Variants in RANBP2 observed in about 807,000 individuals in gnomAD.
RANBP2 encodes RAN binding protein 2, also known as E3 SUMO-protein ligase RanBP2.
In RANBP2, 57 loss-of-function variants were observed where a neutral mutation model predicts 303.6. That is an observed-to-expected ratio of 0.19 (90% CI 0.15 to 0.23). The LOEUF (loss-of-function observed/expected upper bound fraction) is 0.23. RANBP2 is among the 10% of genes least tolerant of loss of function. The probability of loss-of-function intolerance (pLI) is 1.00; values close to 1 mark genes in which losing one functional copy is unlikely to be tolerated. For synonymous variants in RANBP2, 1,167 were observed against 1,301.5 expected (o/e 0.90, Z 2.23); for missense variants, 3,138 against 3,780.8 (o/e 0.83, Z 4.46).
chr2:109,189,525 C>T, the RANBP2 span, among the ~76,000 whole-genome samples: 3 of 151,964 alleles, frequency 2.0e-5, no homozygotes, highest in Admixed American at 6.6e-5. Flanking sequence ...CACACCACCA[C>T]GCCCAGCTAA....
chr2:108,751,574 A>T lies in RANBP2; in HGVS notation c.1502A>T (p.Glu501Val), dbSNP rs1177432323. 6.2e-7 allele frequency: 1 copy of T among 1,610,912 alleles called. No homozygotes were observed. Among genetic ancestry groups the T allele is most frequent in the Non-Finnish European group, 8.5e-7 (1 of 1,179,304 alleles). ...VVYTSHLQLK[E>V]KCNSHHSSYQ... ...TATACCAGCCACTTACAATTAAAGG[A>T]GAAATGTAATTCTCACCACAGCTCC... The change falls in exon 11 of 29, where the codon GAG (glutamate) becomes GTG (valine). Residue 501 changes from glutamate to valine, a missense_variant. Glu to Val is a moderately radical substitution (Grantham distance 121). Around this residue, in one of 20 missense-constraint regions of RANBP2, gnomAD observed 162 missense variants for 286.9 expected, o/e 0.56. Coordinates refer to ENST00000283195, the MANE Select transcript of RANBP2 (RefSeq NM_006267.5).
At chr2:109,078,096 A>ATATATATATATATATGGCG in the RANBP2 span, among the ~76,000 whole-genome samples, 8 of 54,652 alleles carry the variant, frequency 1.5e-4, no homozygotes, top group African/African-American at 8.5e-4. Context: ...ATATATATAT[A>ATATATATATATATATGGCG]TATATATATA....
At chr2:108,788,190 A>C, downstream of RANBP2, 1 of 1,148,148 alleles carries the variant, frequency 8.7e-7, no homozygotes, top group South Asian at 1.4e-5. Flanking sequence ...AGGCCGAGGC[A>C]GGCGAATCAC....
the RANBP2 span, among the ~76,000 whole-genome samples, chr2:109,603,159 C>T: frequency 1.3e-5 from 2 of 152,090 alleles, no homozygotes; most frequent in African/African-American, 2.4e-5. Flanking sequence ...ACTTAGGAAT[C>T]AGTGTGAAGT....
chr2:109,574,884 T>G, the RANBP2 span: 1 of 586,640 alleles, frequency 1.7e-6, no homozygotes, highest in Non-Finnish European at 2.6e-6. Context: ...TTAATATCTA[T>G]GCTGAACAGA....
At chr2:109,038,304 C>T in the RANBP2 span, among the ~76,000 whole-genome samples, 1 of 152,102 alleles carries the variant, frequency 6.6e-6, no homozygotes, top group Non-Finnish European at 1.5e-5. Context: ...AGACTTAAAC[C>T]TAAAAGATAT....
At chr2:109,017,767 T>C in the RANBP2 span, among the ~76,000 whole-genome samples, 2 of 152,194 alleles carry the variant, frequency 1.3e-5, no homozygotes, top group South Asian at 2.1e-4. Context: ...ATATTAATGA[T>C]GCATTCAGTC....
the RANBP2 span, among the ~76,000 whole-genome samples, chr2:109,722,262 C>T: frequency 6.6e-6 from 1 of 151,964 alleles, no homozygotes; most frequent in South Asian, 2.1e-4. Context: ...CAGGACACCT[C>T]CCCTTTCATA....
the RANBP2 span, among the ~76,000 whole-genome samples, chr2:108,850,021 T>C: frequency 6.6e-6 from 1 of 152,218 alleles, no homozygotes; most frequent in African/African-American, 2.4e-5. Context: ...GCCTTTGTCC[T>C]GGCCAAATCC....
the RANBP2 span, chr2:109,129,613 G>T: frequency 6.7e-7 from 1 of 1,486,306 alleles, no homozygotes; most frequent in Non-Finnish European, 8.9e-7. Context: ...GGGCGACGAG[G>T]ACAGGCCAGG....
chr2:109,531,629 G>A, the RANBP2 span, among the ~76,000 whole-genome samples: 2 of 152,192 alleles, frequency 1.3e-5, no homozygotes. Context: ...AAGGACCTTA[G>A]GTTTTAATCA....
At chr2:108,947,396 C>T in the RANBP2 span, among the ~76,000 whole-genome samples, 3 of 152,228 alleles carry the variant, frequency 2.0e-5, no homozygotes, top group South Asian at 2.1e-4. Context: ...TGGTGGTGCT[C>T]GTCTCACAGC....
At chr2:108,743,663 G>A (rs1696291857) in intron 7 of RANBP2, among the ~76,000 whole-genome samples, 1 of 152,198 alleles carries the variant, frequency 6.6e-6, no homozygotes, top group Admixed American at 6.5e-5. Flanking sequence ...ACTGTTAGGA[G>A]TTTCTTGGGT....
chr2:108,737,717 T>G (rs78097687), intron 6 of RANBP2, among the ~76,000 whole-genome samples: 3 of 145,430 alleles, frequency 2.1e-5, no homozygotes, highest in Non-Finnish European at 4.6e-5. Context: ...CCTGGCTAAT[T>G]TTTTTTTTTT....
the RANBP2 span, among the ~76,000 whole-genome samples, chr2:109,569,218 C>T: frequency 6.6e-6 from 1 of 152,028 alleles, no homozygotes; most frequent in Non-Finnish European, 1.5e-5. Flanking sequence ...CACCTGAGGT[C>T]GGGAGTTCGA....
At chr2:109,421,027 G>A in the RANBP2 span, among the ~76,000 whole-genome samples, 1 of 152,178 alleles carries the variant, frequency 6.6e-6, no homozygotes, top group Non-Finnish European at 1.5e-5. Flanking sequence ...ACCAGCACTG[G>A]ACAAAAGATA....
At chr2:109,466,592 A>G in the RANBP2 span, among the ~76,000 whole-genome samples, 1 of 152,080 alleles carries the variant, frequency 6.6e-6, no homozygotes, top group East Asian at 1.9e-4. Flanking sequence ...CATGGAGCCC[A>G]ATTTATTAAC....
intron 17 of RANBP2, among the ~76,000 whole-genome samples, chr2:108,756,939 G>C (rs1427603434): frequency 6.6e-6 from 1 of 152,232 alleles, no homozygotes; most frequent in East Asian, 1.9e-4. Context: ...TGTATGTGTA[G>C]CATCTGGACT....
chr2:108,776,534 T>C (rs527511130), intron 24 of RANBP2, among the ~76,000 whole-genome samples: 13 of 152,188 alleles, frequency 8.5e-5, no homozygotes, highest in African/African-American at 2.7e-4. Context: ...GTGTCACAAA[T>C]ATTACATTTA....
Sources: allele counts gnomAD v4.1 joint callset (sites outside exome capture counted in the v4.1 genomes callset), GRCh38; gene constraint gnomAD v4.1.1; regional missense constraint gnomAD v4.1.1; transcripts MANE v1.5; gene names NCBI Gene and HGNC (gene_info 2026-07-23, HGNC 2026-07-21).